CLOCK: variants seen among roughly 807,000 people sequenced by gnomAD.
CLOCK encodes the protein circadian locomoter output cycles protein kaput.
Under a neutral mutation model 118.4 loss-of-function variants are expected in CLOCK, and 43 were observed. The ratio of observed to expected loss-of-function variants is 0.36; its 90% CI spans 0.28 to 0.47. CLOCK has a LOEUF of 0.47. Ranked by LOEUF, CLOCK falls within the 20% of genes least tolerant of loss-of-function variation. The pLI is 1.00. For synonymous variants in CLOCK, 326 were observed against 339.2 expected, an observed-to-expected ratio of 0.96 and a Z score of 0.43; for missense variants, 846 against 999.9, an observed-to-expected ratio of 0.85 and a Z score of 2.08.
At chr4:55,449,628 G>A (rs1191189855) in intron 16 of CLOCK, 132 bp from the exon 17 acceptor site, 8 of 740,694 alleles carry the variant, frequency 1.1e-5, no homozygotes, top group South Asian at 4.9e-5. Context: ...TGAAAGTGAA[G>A]TCCATGACAG....
At chr4:55,461,166 G>A (rs1174953104) in intron 9 of CLOCK, among the ~76,000 whole-genome samples, 1 of 152,114 alleles carries the variant, frequency 6.6e-6, no homozygotes, top group Non-Finnish European at 1.5e-5. Flanking sequence ...GGGCTCAAGC[G>A]ATCTGCCTGC....
chr4:55,441,730 G>A (rs986006271), intron 21 of CLOCK, among the ~76,000 whole-genome samples: 1 of 152,148 alleles, frequency 6.6e-6, no homozygotes, highest in Non-Finnish European at 1.5e-5. Flanking sequence ...GGAGGAGGAT[G>A]GTGGGGGTGA....
At chr4:55,501,093 A>G (rs766322974) in intron 2 of CLOCK, among the ~76,000 whole-genome samples, 2 of 152,152 alleles carry the variant, frequency 1.3e-5, no homozygotes, top group Non-Finnish European at 2.9e-5. Context: ...AGCTCAAGCA[A>G]TCCTCCCACC....
chr4:55,542,384 ATTATTAT>A (rs1731337208), intron 1 of CLOCK, among the ~76,000 whole-genome samples: 1 of 40,506 alleles, frequency 2.5e-5, no homozygotes, highest in African/African-American at 6.5e-5. Context: ...TAATAATATT[ATTATTAT>A]TATTATTATT....
At chr4:55,468,973 G>A (rs73151898) in intron 8 of CLOCK, among the ~76,000 whole-genome samples, 2,491 of 152,120 alleles carry the variant, frequency 0.016, 64 homozygotes, top group African/African-American at 0.058. Context: ...TGTGCTTGTG[G>A]TGATGCTTGT....
chr4:55,511,229 A>G (rs1729126557), intron 1 of CLOCK, among the ~76,000 whole-genome samples: 2 of 151,612 alleles, frequency 1.3e-5, no homozygotes, highest in African/African-American at 4.8e-5. Context: ...CACTTGACAT[A>G]TATTTATTCA....
intron 7 of CLOCK, among the ~76,000 whole-genome samples, chr4:55,475,664 C>T (rs1456759478): frequency 1.3e-5 from 2 of 152,196 alleles, no homozygotes; most frequent in African/African-American, 4.8e-5. Context: ...GAGGCAATAC[C>T]TTCCACCAGC....
chr4:55,442,375 G>A, intron 21 of CLOCK, 57 bp downstream of exon 21: 1 of 1,445,146 alleles, frequency 6.9e-7, no homozygotes, highest in Non-Finnish European at 9.7e-7. Context: ...TCAAATTATT[G>A]TTTTCTAATC....
intron 1 of CLOCK, among the ~76,000 whole-genome samples, chr4:55,539,830 T>C (rs908493066): frequency 6.6e-6 from 1 of 151,938 alleles, no homozygotes; most frequent in African/African-American, 2.4e-5. Context: ...CATGAAAATA[T>C]GTTGATGATT....
At chr4:55,521,201 C>A (rs1036145033) in intron 1 of CLOCK, among the ~76,000 whole-genome samples, 3 of 152,110 alleles carry the variant, frequency 2.0e-5, no homozygotes, top group Non-Finnish European at 4.4e-5. Flanking sequence ...TAATCTGTCA[C>A]ATAAATTCAA....
At chr4:55,475,831 T>C in intron 7 of CLOCK, 132 bp downstream of exon 7, 1 of 669,752 alleles carries the variant, frequency 1.5e-6, no homozygotes, top group Non-Finnish European at 2.7e-6. Flanking sequence ...CTCATTTTAC[T>C]GAAATATTAG....
intron 20 of CLOCK, among the ~76,000 whole-genome samples, 170 bp downstream of exon 20, chr4:55,443,517 C>T (rs1159474848): frequency 6.6e-6 from 1 of 151,088 alleles, no homozygotes; most frequent in Non-Finnish European, 1.5e-5. Flanking sequence ...ATATTTGATA[C>T]TAACATGATT....
At chr4:55,542,388 T>A (rs151292685) in intron 1 of CLOCK, among the ~76,000 whole-genome samples, 1 of 76,940 alleles carries the variant, frequency 1.3e-5, no homozygotes, top group African/African-American at 3.6e-5. Context: ...AATATTATTA[T>A]TATTATTATT....
intron 11 of CLOCK, among the ~76,000 whole-genome samples, chr4:55,457,213 T>C (rs1479766231): frequency 3.9e-5 from 6 of 152,140 alleles, no homozygotes; most frequent in Non-Finnish European, 2.9e-5. Context: ...ATAAACTAAC[T>C]GCTTTACTCC....
chr4:55,485,761 T>C (rs1480498433), intron 3 of CLOCK, among the ~76,000 whole-genome samples: 1 of 152,204 alleles, frequency 6.6e-6, no homozygotes, highest in Non-Finnish European at 1.5e-5. Flanking sequence ...GGATTGTTTA[T>C]AACACAAAGG....
intron 1 of CLOCK, among the ~76,000 whole-genome samples, chr4:55,528,542 A>G (rs541241833): frequency 6.6e-6 from 1 of 152,216 alleles, no homozygotes; most frequent in South Asian, 2.1e-4. Flanking sequence ...ACAAACAAAA[A>G]AGAATAAATC....
At chr4:55,450,546 T>A (rs1053025341) in intron 15 of CLOCK, among the ~76,000 whole-genome samples, 1 of 152,114 alleles carries the variant, frequency 6.6e-6, no homozygotes, top group South Asian at 2.1e-4. Context: ...AGCAGGCAGA[T>A]CACCTGAGGT....
Position 55,450,210 on chromosome 4 carries a change from T to G in CLOCK, c.1229A>C (p.Asn410Thr), listed in dbSNP as rs1428896776. The change falls in exon 16 of 23, where the codon AAT (asparagine) becomes ACT (threonine). Residue 410 changes from asparagine to threonine, a missense_variant. Transcript: ENST00000513440. ...ADKSQDSGSDNRINTVSLKEA... is the reference protein window; with the variant it reads ...ADKSQDSGSDTRINTVSLKEA... ...CTTGAGACTGACTGTGTTTATACGA[T>G]TATCTGACCCAGAATCTTGGCTCTA... 1.9e-6 allele frequency: 3 copies of G among 1,613,918 alleles called. No individual in the cohort carries two copies. Among genetic ancestry groups the G allele is most frequent in the Admixed American group, 3.3e-5 (2 of 59,994 alleles).
At chr4:55,453,185 G>T in intron 14 of CLOCK, 56 bp from the exon 15 acceptor site, 1 of 1,331,362 alleles carries the variant, frequency 7.5e-7, no homozygotes, top group Non-Finnish European at 1.1e-6. Context: ...TTAAAATACT[G>T]CACAGCTGTA....
Sources: allele counts gnomAD v4.1 joint callset (sites outside exome capture counted in the v4.1 genomes callset), GRCh38; gene constraint gnomAD v4.1.1; transcripts MANE v1.5; gene names NCBI Gene and HGNC (gene_info 2026-07-23, HGNC 2026-07-21).